Variants in DRC2 observed in about 807,000 individuals in gnomAD.
DRC2 encodes the protein coiled-coil domain containing 65.
chr12:48,921,334 T>G, the DRC2 span: 1 of 1,614,182 alleles, frequency 6.2e-7, no homozygotes, highest in Non-Finnish European at 8.5e-7. Flanking sequence ...AGTGACGAAG[T>G]GCTGAGCCAG....
At chr12:48,921,527 T>G in the DRC2 span, 1 of 1,511,206 alleles carries the variant, frequency 6.6e-7, no homozygotes, top group South Asian at 1.4e-5. Flanking sequence ...ATTTTTTTTT[T>G]TTTTTGAGAA....
At chr12:48,914,419 C>T in the DRC2 span, 3 of 1,609,848 alleles carry the variant, frequency 1.9e-6, no homozygotes, top group Non-Finnish European at 2.5e-6. Flanking sequence ...AGCTAAAGAC[C>T]TGTCCGAAGC....
the DRC2 span, among the ~76,000 whole-genome samples, chr12:48,906,967 G>A: frequency 6.6e-6 from 1 of 151,836 alleles, no homozygotes; most frequent in African/African-American, 2.4e-5. Context: ...TGTAATCCCA[G>A]CACTTTGGGA....
At chr12:48,912,306 T>C in the DRC2 span, among the ~76,000 whole-genome samples, 1 of 150,894 alleles carries the variant, frequency 6.6e-6, no homozygotes, top group African/African-American at 2.4e-5. Context: ...GGCGGGCTCC[T>C]GTAGTCCCAG....
At chr12:48,911,346 C>T in the DRC2 span, among the ~76,000 whole-genome samples, 49,521 of 151,876 alleles carry the variant, frequency 0.33, 9,107 homozygotes, top group Admixed American at 0.47. Flanking sequence ...ATCCTTTGAG[C>T]CCAGGAGTTT....
At chr12:48,914,923 A>G in the DRC2 span, among the ~76,000 whole-genome samples, 1 of 151,454 alleles carries the variant, frequency 6.6e-6, no homozygotes, top group Non-Finnish European at 1.5e-5. Flanking sequence ...CAGTGGCACG[A>G]TCTCAGCTCA....
the DRC2 span, among the ~76,000 whole-genome samples, chr12:48,915,458 CAGA>C: frequency 6.7e-6 from 1 of 149,250 alleles, no homozygotes; most frequent in Non-Finnish European, 1.5e-5. Flanking sequence ...GATCCCAAGG[CAGA>C]AGAATTTTTC....
the DRC2 span, among the ~76,000 whole-genome samples, chr12:48,914,166 C>A: frequency 2.0e-5 from 3 of 151,908 alleles, no homozygotes; most frequent in African/African-American, 7.3e-5. Context: ...CTTGAGCTCC[C>A]AGGCTCATGT....
chr12:48,918,833 A>C, the DRC2 span: 2 of 1,613,888 alleles, frequency 1.2e-6, no homozygotes, highest in African/African-American at 2.7e-5. Context: ...GCAGCATCCC[A>C]GAAGAACTTA....
chr12:48,921,116 C>T, the DRC2 span: 8 of 1,610,012 alleles, frequency 5.0e-6, no homozygotes, highest in Non-Finnish European at 6.8e-6. Flanking sequence ...CATTGGGCAG[C>T]ATTTGCTAAT....
At chr12:48,915,504 TC>T in the DRC2 span, among the ~76,000 whole-genome samples, 42 of 151,082 alleles carry the variant, frequency 2.8e-4, no homozygotes, top group Non-Finnish European at 5.0e-4. Context: ...GTCTCCCATG[TC>T]TACTTCTTTC....
chr12:48,921,282 C>T, the DRC2 span: 2 of 1,614,192 alleles, frequency 1.2e-6, no homozygotes, highest in Non-Finnish European at 1.7e-6. Context: ...CAATGGGAAG[C>T]TGCGGGAGAT....
the DRC2 span, chr12:48,918,154 A>C: frequency 1.1e-6 from 1 of 887,460 alleles, no homozygotes; most frequent in Non-Finnish European, 1.7e-6. Context: ...AGGCATTTTC[A>C]TGGGAGACCT....
chr12:48,920,314 G>A, the DRC2 span, among the ~76,000 whole-genome samples: 3 of 149,734 alleles, frequency 2.0e-5, no homozygotes, highest in Admixed American at 6.7e-5. Context: ...GGTGGCACAT[G>A]CCTGTAATCC....
At chr12:48,918,328 T>C in the DRC2 span, 1 of 1,614,178 alleles carries the variant, frequency 6.2e-7, no homozygotes, top group Non-Finnish European at 8.5e-7. Flanking sequence ...GAGTAGAAGA[T>C]CTGTGGAGAA....
At chr12:48,917,153 G>C in the DRC2 span, 1 of 1,608,320 alleles carries the variant, frequency 6.2e-7, no homozygotes, top group South Asian at 1.1e-5. Flanking sequence ...GGAGGTGATA[G>C]AAAAATGCTC....
At chr12:48,918,890 A>C in the DRC2 span, 1 of 1,612,808 alleles carries the variant, frequency 6.2e-7, no homozygotes, top group Non-Finnish European at 8.5e-7. Context: ...GCCCTGAGAA[A>C]GATTGTTGAT....
chr12:48,908,565 A>G, the DRC2 span, among the ~76,000 whole-genome samples: 1 of 128,378 alleles, frequency 7.8e-6, no homozygotes, highest in South Asian at 2.6e-4. Flanking sequence ...CTGCAGAACT[A>G]CCAGGATTAT....
At chr12:48,917,209 G>T in the DRC2 span, 3 of 1,361,736 alleles carry the variant, frequency 2.2e-6, no homozygotes, top group Admixed American at 3.8e-5. Flanking sequence ...CCAGCACCTT[G>T]GTAGGCCAAG....
Sources: gnomAD v4.1 joint callset for allele counts (sites outside exome capture counted in the v4.1 genomes callset) on GRCh38, gnomAD v4.1.1 for gene constraint, MANE v1.5 for transcripts, NCBI Gene and HGNC (gene_info 2026-07-23, HGNC 2026-07-21) for gene names.